Variants in CELF2 observed in about 807,000 individuals in gnomAD.
CELF2 encodes CUG triplet repeat RNA-binding protein 2.
Under a neutral mutation model 62.6 loss-of-function variants are expected in CELF2, and 8 were observed. That is an observed-to-expected ratio of 0.13 (90% CI 0.07 to 0.23). CELF2 has a LOEUF of 0.23. Ranked by LOEUF, CELF2 falls within the 10% of genes least tolerant of loss-of-function variation. The pLI is 1.00. For missense variants in CELF2, 333 were observed against 671.0 expected, an observed-to-expected ratio of 0.50 and a Z score of 5.56; for synonymous variants, 258 against 250.0, an observed-to-expected ratio of 1.03 and a Z score of -0.30.
At chr10:11,125,527 T>A (rs916193818) in intron 1 of CELF2, among the ~76,000 whole-genome samples, 2 of 152,120 alleles carry the variant, frequency 1.3e-5, no homozygotes, top group Non-Finnish European at 2.9e-5. Flanking sequence ...TTGAAAATAC[T>A]TCTCTCTTGA....
At chr10:10,518,427 T>G in the CELF2 span, among the ~76,000 whole-genome samples, 1 of 152,212 alleles carries the variant, frequency 6.6e-6, no homozygotes, top group Non-Finnish European at 1.5e-5. Context: ...CCTTCCTGGT[T>G]TGCTACTGTG....
the CELF2 span, among the ~76,000 whole-genome samples, chr10:10,504,608 G>A: frequency 6.6e-6 from 1 of 152,022 alleles, no homozygotes; most frequent in African/African-American, 2.4e-5. Context: ...ATTTCTTTGA[G>A]TACTTTTTTA....
At chr10:10,909,896 C>T (rs1437185473) in intron 1 of CELF2, among the ~76,000 whole-genome samples, 1 of 143,016 alleles carries the variant, frequency 7.0e-6, no homozygotes, top group Non-Finnish European at 1.5e-5. Context: ...TAATAATATC[C>T]AGCATGTAGA....
intron 1 of CELF2, among the ~76,000 whole-genome samples, chr10:11,139,966 A>G (rs888030947): frequency 2.6e-5 from 4 of 151,914 alleles, no homozygotes; most frequent in African/African-American, 9.7e-5. Context: ...GCCATCTTCA[A>G]TTTCTCACTT....
In CELF2 at chr10:10,839,536, G is replaced by C. The variant is rs541869167; in HGVS notation, c.53+40719G>C. Among the ~76,000 whole-genome samples, 3 of 152,334 alleles carry C rather than the reference G, an allele frequency of 2.0e-5. No homozygotes were observed. In the South Asian group the frequency reaches 6.2e-4, roughly 32 times the overall value. On this transcript the variant is annotated intron_variant, in intron 1 of 13. Coordinates refer to the CELF2 transcript ENST00000636488. ...AAACAACTTTATCAACTACAGTGCA[G>C]TGCTTATGTACAGCTTCTTTCGCCC...
At chr10:10,935,220 T>C (rs1363434502) in intron 2 of CELF2, 1 of 152,218 alleles carries the variant, frequency 6.6e-6, no homozygotes, top group Non-Finnish European at 1.5e-5. Context: ...GTTTCATCTG[T>C]TCTGGGTTCT....
intron 1 of CELF2, among the ~76,000 whole-genome samples, chr10:11,006,035 G>A (rs1274441679): frequency 6.6e-6 from 1 of 152,102 alleles, no homozygotes; most frequent in Non-Finnish European, 1.5e-5. Context: ...CTCTGTGTTG[G>A]GGGTTCTCTC....
chr10:10,840,024 C>T (rs915231648), intron 1 of CELF2, among the ~76,000 whole-genome samples: 5 of 152,202 alleles, frequency 3.3e-5, no homozygotes, highest in South Asian at 2.1e-4. Flanking sequence ...TATGTATTTG[C>T]ATGGCTTGAT....
chr10:11,287,278 CA>C (rs2091553661), intron 8 of CELF2, among the ~76,000 whole-genome samples: 1 of 152,034 alleles, frequency 6.6e-6, no homozygotes, highest in South Asian at 2.1e-4. Context: ...GGGAGAGAAC[CA>C]TTGTTTCATG....
At position 11,237,304 on chromosome 10, in the gene CELF2, G is replaced by A. The variant is rs534016851; in HGVS notation, c.355-11849G>A. Among the ~76,000 whole-genome samples, 2 of 152,330 alleles carry A rather than the reference G, an allele frequency of 1.3e-5. No individual in the cohort carries two copies. The highest frequency in any genetic ancestry group is 6.5e-5 in the Admixed American group (1 of 15,304). ...AGGTGAGAGGTCTGAGAAGCTGGAA[G>A]AGCTGCCCCCATCCCGGGGTTGATG... On this transcript the variant is annotated intron_variant, in intron 3 of 12. Coordinates refer to ENST00000633077, the MANE Select transcript of CELF2 (RefSeq NM_001326342.2). The surrounding 1 kb of genome is among the most constrained non-coding windows in gnomAD (Gnocchi z 4.0).
At chr10:11,058,077 A>AAAAC (rs1377971481) in intron 1 of CELF2, among the ~76,000 whole-genome samples, 1 of 152,056 alleles carries the variant, frequency 6.6e-6, no homozygotes, top group East Asian at 1.9e-4. Flanking sequence ...GAGGAAAAAA[A>AAAAC]AAAAAAAACG....
At chr10:11,166,202 C>T (rs935887649) in intron 2 of CELF2, among the ~76,000 whole-genome samples, 7 of 152,212 alleles carry the variant, frequency 4.6e-5, no homozygotes, top group African/African-American at 1.7e-4. Flanking sequence ...GACACCCATT[C>T]CTGGGGGTCA....
chr10:11,149,838 G>A (rs1053357757), intron 1 of CELF2, among the ~76,000 whole-genome samples: 1 of 152,072 alleles, frequency 6.6e-6, no homozygotes, highest in Non-Finnish European at 1.5e-5. Flanking sequence ...ATCTTGCATC[G>A]ACCCCGATGG....
the CELF2 span, among the ~76,000 whole-genome samples, chr10:10,621,711 A>G: frequency 3.0e-4 from 45 of 152,340 alleles, no homozygotes; most frequent in Non-Finnish European, 5.3e-4. Flanking sequence ...CAACTCTGCC[A>G]ATAATCTGAA....
intron 4 of CELF2, among the ~76,000 whole-genome samples, chr10:11,250,914 A>G (rs962553235): frequency 1.3e-5 from 2 of 152,134 alleles, no homozygotes; most frequent in African/African-American, 4.8e-5. Flanking sequence ...CTGGCCTGGG[A>G]AGAAGACCAC....
the CELF2 span, among the ~76,000 whole-genome samples, chr10:10,541,742 T>C: frequency 6.6e-6 from 1 of 152,224 alleles, no homozygotes; most frequent in Non-Finnish European, 1.5e-5. Flanking sequence ...ATCTTGGTTT[T>C]GGTGGGTTTT....
At chr10:10,761,951 T>TGTGTGTGC in the CELF2 span, among the ~76,000 whole-genome samples, 1 of 149,802 alleles carries the variant, frequency 6.7e-6, no homozygotes, top group East Asian at 2.0e-4. Context: ...TGTGTGTGTG[T>TGTGTGTGC]GTGTAGACAG....
chr10:11,116,367 A>G (rs1183095927), intron 1 of CELF2, among the ~76,000 whole-genome samples: 2 of 152,238 alleles, frequency 1.3e-5, no homozygotes, highest in Non-Finnish European at 2.9e-5. Context: ...CATGTTTACA[A>G]ACTTAACATG....
At chr10:10,746,172 C>A in the CELF2 span, among the ~76,000 whole-genome samples, 2 of 152,322 alleles carry the variant, frequency 1.3e-5, no homozygotes, top group Non-Finnish European at 2.9e-5. Flanking sequence ...CTGCTTTCTG[C>A]TTTTAAATCT....
Sources: gnomAD v4.1 joint callset for allele counts (sites outside exome capture counted in the v4.1 genomes callset) on GRCh38, gnomAD v4.1.1 for gene constraint, Gnocchi (gnomAD v3.1) non-coding constraint, MANE v1.5 for transcripts, NCBI Gene and HGNC (gene_info 2026-07-23, HGNC 2026-07-21) for gene names.